LRRC4C: variants seen among roughly 807,000 people sequenced by gnomAD.
LRRC4C encodes leucine rich repeat containing 4C.
In LRRC4C, 5 loss-of-function variants were observed where a neutral mutation model predicts 33.6. That is an observed-to-expected ratio of 0.15 (90% confidence interval 0.08 to 0.31). LRRC4C has a LOEUF of 0.31. Ranked by LOEUF, LRRC4C falls within the 10% of genes least tolerant of loss-of-function variation. LRRC4C has a pLI of 1.00. For missense variants in LRRC4C, 560 were observed against 796.7 expected, an observed-to-expected ratio of 0.70 and a Z score of 3.58; for synonymous variants, 329 against 302.0, an observed-to-expected ratio of 1.09 and a Z score of -0.93.
intron 1 of LRRC4C, among the ~76,000 whole-genome samples, chr11:41,432,335 T>C (rs1234713311): frequency 6.6e-6 from 1 of 152,146 alleles, no homozygotes; most frequent in Non-Finnish European, 1.5e-5. Context: ...GGTAACACAA[T>C]AGCTTGTATC....
At position 41,005,325 on chromosome 11, in the gene LRRC4C, TG is replaced by T. The variant is rs528437629; in HGVS notation, c.-495-71603del. Among the ~76,000 whole-genome samples the T allele has an allele frequency of 2.0e-5, 3 of 152,244 alleles. No individual in the cohort carries two copies. In the South Asian group the frequency reaches 6.2e-4, roughly 32 times the overall value. On this transcript the variant is annotated intron_variant, in intron 1 of 6. Coordinates refer to ENST00000528697, the MANE Select transcript of LRRC4C (RefSeq NM_001258419.2). ...TGTTTAAAAAGGAGCCGCCCCTGGC[TG>T]GGCGTGATGGCTCATGCCTATAATC...
At chr11:40,815,167 C>A (rs1292444551) in intron 2 of LRRC4C, among the ~76,000 whole-genome samples, 1 of 152,166 alleles carries the variant, frequency 6.6e-6, no homozygotes, top group East Asian at 1.9e-4. Context: ...ACTGGGGAGA[C>A]CTCACTCTCA....
At chr11:40,718,076 A>G (rs1050814635) in intron 2 of LRRC4C, among the ~76,000 whole-genome samples, 3 of 152,214 alleles carry the variant, frequency 2.0e-5, no homozygotes, top group Non-Finnish European at 2.9e-5. Context: ...CAACTTTACA[A>G]TTGCCTTTAT....
intron 3 of LRRC4C, among the ~76,000 whole-genome samples, chr11:40,397,090 A>G (rs1469362187): frequency 2.0e-5 from 3 of 152,096 alleles, no homozygotes; most frequent in Admixed American, 6.6e-5. Context: ...TTTTAGATTA[A>G]CTTAACCCCA....
intron 4 of LRRC4C, among the ~76,000 whole-genome samples, chr11:40,307,008 A>ATCTATC (rs1945070829): frequency 1.3e-5 from 2 of 149,660 alleles, no homozygotes; most frequent in Admixed American, 6.7e-5. Context: ...CTATGTATCT[A>ATCTATC]TCTATCTAAT....
At chr11:40,464,307 A>G (rs1952550113) in intron 3 of LRRC4C, among the ~76,000 whole-genome samples, 1 of 152,030 alleles carries the variant, frequency 6.6e-6, no homozygotes, top group South Asian at 2.1e-4. Context: ...TTAATAAACT[A>G]GGCATCAAAG....
chr11:40,829,424 G>T (rs1290530729), intron 2 of LRRC4C, among the ~76,000 whole-genome samples: 1 of 151,928 alleles, frequency 6.6e-6, no homozygotes, highest in Admixed American at 6.6e-5. Flanking sequence ...GCAACATATG[G>T]TTACAGAGTC....
intron 1 of LRRC4C, among the ~76,000 whole-genome samples, chr11:41,289,444 C>T (rs1252420467): frequency 6.6e-6 from 1 of 152,104 alleles, no homozygotes; most frequent in Non-Finnish European, 1.5e-5. Context: ...TATTTGGAGA[C>T]AGGACCTTTA....
intron 1 of LRRC4C, among the ~76,000 whole-genome samples, chr11:41,069,458 T>C (rs1938515793): frequency 6.6e-6 from 1 of 152,170 alleles, no homozygotes; most frequent in South Asian, 2.1e-4. Flanking sequence ...TGTATTCAAA[T>C]AGGAAGAAAG....
At chr11:40,694,267 A>G (rs1945375549) in intron 2 of LRRC4C, among the ~76,000 whole-genome samples, 2 of 152,146 alleles carry the variant, frequency 1.3e-5, no homozygotes, top group Non-Finnish European at 2.9e-5. Flanking sequence ...CACTGAGGAG[A>G]AATGAACAGT....
chr11:40,179,683 T>C (rs979175323), intron 5 of LRRC4C, among the ~76,000 whole-genome samples: 2 of 152,124 alleles, frequency 1.3e-5, no homozygotes, highest in Non-Finnish European at 2.9e-5. Flanking sequence ...AAATGTCAGT[T>C]AAATGATCAC....
At chr11:41,282,704 T>C (rs1949711603) in intron 1 of LRRC4C, among the ~76,000 whole-genome samples, 1 of 152,192 alleles carries the variant, frequency 6.6e-6, no homozygotes, top group African/African-American at 2.4e-5. Flanking sequence ...GCTAAGGGAA[T>C]GCATTTTTAG....
chr11:41,330,402 G>A (rs1951255494), intron 1 of LRRC4C, among the ~76,000 whole-genome samples: 1 of 152,102 alleles, frequency 6.6e-6, no homozygotes, highest in Non-Finnish European at 1.5e-5. Context: ...ATTAAGGAAA[G>A]TGTTACAATT....
intron 5 of LRRC4C, among the ~76,000 whole-genome samples, chr11:40,230,170 A>T (rs761408449): frequency 6.6e-6 from 1 of 152,218 alleles, no homozygotes; most frequent in Non-Finnish European, 1.5e-5. Flanking sequence ...ATGTGGAGAT[A>T]TGTATGAGGT....
chr11:40,279,767 A>T (rs976499128), intron 4 of LRRC4C, among the ~76,000 whole-genome samples: 1 of 152,176 alleles, frequency 6.6e-6, no homozygotes, highest in African/African-American at 2.4e-5. Context: ...TATGTCATTC[A>T]TCAACCTTGT....
chr11:40,176,916 T>C (rs1051927464), intron 5 of LRRC4C, among the ~76,000 whole-genome samples: 1 of 150,878 alleles, frequency 6.6e-6, no homozygotes, highest in African/African-American at 2.4e-5. Context: ...TTTCTACTTT[T>C]GTTCTGCCAG....
chr11:40,127,458 A>C (rs1856335781), intron 6 of LRRC4C, among the ~76,000 whole-genome samples: 1 of 152,150 alleles, frequency 6.6e-6, no homozygotes, highest in Admixed American at 6.6e-5. Context: ...ACACTATAGA[A>C]GTTAGTTAAA....
chr11:40,304,168 T>C (rs924085536), intron 4 of LRRC4C, among the ~76,000 whole-genome samples: 1 of 152,158 alleles, frequency 6.6e-6, no homozygotes, highest in Non-Finnish European at 1.5e-5. Flanking sequence ...CATTTTCCAC[T>C]TGTAATTTGG....
chr11:41,265,016 G>A (rs1361543031), intron 1 of LRRC4C, among the ~76,000 whole-genome samples: 1 of 152,098 alleles, frequency 6.6e-6, no homozygotes, highest in African/African-American at 2.4e-5. Flanking sequence ...TATTGTGAGG[G>A]TAAGGACTCT....
Sources: allele counts gnomAD v4.1 joint callset (sites outside exome capture counted in the v4.1 genomes callset), GRCh38; gene constraint gnomAD v4.1.1; transcripts MANE v1.5; gene names NCBI Gene and HGNC (gene_info 2026-07-23, HGNC 2026-07-21).